Variants in EXOSC7 observed in about 807,000 individuals in gnomAD.
EXOSC7 encodes exosome complex component RRP42.
In EXOSC7, 25 loss-of-function variants were observed where a neutral mutation model predicts 34.3. The ratio of observed to expected loss-of-function variants is 0.73; its 90% CI spans 0.53 to 1.02. The LOEUF is 1.02. Ranked by LOEUF, EXOSC7 falls within the 50% of genes least tolerant of loss-of-function variation. The probability of loss-of-function intolerance (pLI) is 0.00; values close to 1 mark genes in which losing one functional copy is unlikely to be tolerated. For missense variants in EXOSC7, 370 were observed against 368.5 expected (o/e 1.00, Z -0.03); for synonymous variants, 130 against 143.0 (o/e 0.91, Z 0.65).
chr3:44,992,533 A>G (rs572757474), intron 3 of EXOSC7, among the ~76,000 whole-genome samples: 1 of 152,326 alleles, frequency 6.6e-6, no homozygotes, highest in African/African-American at 2.4e-5. Context: ...TATAGCCCTC[A>G]CAGCCCTTTG....
At position 44,976,999 on chromosome 3, in the gene EXOSC7, AACCCGGGAGGCGGAGGTTG is replaced by A. The variant is rs1388280526; in HGVS notation, c.57+666_57+684del. On this transcript the variant is annotated intron_variant, in intron 1 of 7. Transcript: ENST00000265564. ...GAGACTGAGGCAGGAGAATCGCTTG[AACCCGGGAGGCGGAGGTTG>A]CAGTGAGCCGAGTCTCAAAAAAAAA... 3 of 152,242 alleles carry A rather than the reference AACCCGGGAGGCGGAGGTTG, an allele frequency of 2.0e-5. 1 individual carries two copies. The highest frequency in any genetic ancestry group is 4.4e-5 in the Non-Finnish European group (3 of 68,078). 9.4% of individuals were successfully genotyped at this position (152,242 alleles called of 1,614,324 possible).
intron 1 of EXOSC7, among the ~76,000 whole-genome samples, chr3:44,980,772 A>G (rs921935091): frequency 8.5e-5 from 13 of 152,330 alleles, no homozygotes; most frequent in Admixed American, 5.9e-4. Context: ...TAAATAGTAT[A>G]TGGCATATAC....
At position 44,976,306 on chromosome 3, in the gene EXOSC7, AG is replaced by A; in HGVS notation, c.30del (p.Lys11ArgfsTer52). 2 of 1,564,274 alleles carry A rather than the reference AG, an allele frequency of 1.3e-6. No individual in the cohort carries two copies. The highest frequency in any genetic ancestry group is 1.7e-6 in the Non-Finnish European group (2 of 1,162,052). ...GCGTCCGTGACGCTGAGCGAGGCGG[AG>A]AAGGTGTACATCGTGCATGGCGTCC... The part of the protein sequence containing the change: MASVTLSEA[E>X]KVYIVHGVQE... On this transcript the variant is annotated frameshift_variant, in exon 1 of 8. Transcript: ENST00000265564. LOFTEE classifies it high-confidence loss of function.
intron 1 of EXOSC7, among the ~76,000 whole-genome samples, chr3:44,979,189 C>T (rs1431268839): frequency 6.6e-6 from 1 of 152,162 alleles, no homozygotes; most frequent in Admixed American, 6.5e-5. Context: ...GGTCAGGATG[C>T]AGGTGAATGA....
chr3:45,006,068 CTTTTTT>C (rs34869939), intron 6 of EXOSC7, among the ~76,000 whole-genome samples: 541 of 47,156 alleles, frequency 0.011, 2 homozygotes, highest in Middle Eastern at 0.014. Flanking sequence ...TGGGTCTTGG[CTTTTTT>C]TTTTTTTTTT....
intron 1 of EXOSC7, 119 bp downstream of exon 1, chr3:44,976,453 T>G (rs1706030645): frequency 1.1e-6 from 1 of 892,734 alleles, no homozygotes; most frequent in Non-Finnish European, 1.7e-6. Context: ...CCGTTTACCT[T>G]GTGATTAAAC....
At chr3:44,999,672 G>A (rs962730380) in intron 4 of EXOSC7, among the ~76,000 whole-genome samples, 9 of 151,908 alleles carry the variant, frequency 5.9e-5, no homozygotes, top group Non-Finnish European at 1.3e-4. Flanking sequence ...CTGGGCAACA[G>A]AGTGAGAATC....
chr3:44,994,246 A>C lies in EXOSC7; in HGVS notation c.255-2841A>C, dbSNP rs1366241351. Among the ~76,000 whole-genome samples, 5 of 66,672 alleles carry C rather than the reference A, an allele frequency of 7.5e-5. No homozygotes were observed. The East Asian group carries it at 0.018, about 235-fold the overall frequency. 43.7% of individuals were successfully genotyped at this position (66,672 alleles called of 152,430 possible). ...TGGTGTCTAGCTCATGCTAAACATT[A>C]AAAAAAAAAAAAAAAAGATAAGGTC... On this transcript the variant is annotated intron_variant, in intron 3 of 7. Transcript: ENST00000265564.
rs1706894413 is a variant in EXOSC7 at position 45,001,942 on chromosome 3, CTA to C, written c.491+336_491+337del. On this transcript the variant is annotated intron_variant, in intron 5 of 7. Transcript: ENST00000265564. The stretch of plus-strand genomic sequence containing the variant: ...TCCAAATACTATTACTGGGTGAACT[CTA>C]TGGGGGCAAGGATTTTGCCTGTTTT... The C allele has an allele frequency of 2.7e-5, 7 of 262,840 alleles. No homozygotes were observed. In the South Asian group the frequency reaches 3.9e-4, roughly 15 times the overall value. The allele number at this position is 262,840 out of a possible 1,614,324, so 16.3% of individuals were successfully genotyped here.
At chr3:45,001,413 A>G (rs1224331683) in intron 4 of EXOSC7, 125 bp from the exon 5 acceptor site, 3 of 731,320 alleles carry the variant, frequency 4.1e-6, no homozygotes, top group African/African-American at 1.7e-5. Context: ...ACTGCACTCC[A>G]GCCTGAGTGA....
Position 45,011,280 on chromosome 3 carries a change from G to A in EXOSC7, c.817G>A (p.Val273Ile), listed in dbSNP as rs1459604241. The A allele has an allele frequency of 8.7e-6, 14 of 1,613,624 alleles. No homozygotes were observed. Among genetic ancestry groups the A allele is most frequent in the East Asian group, 2.2e-5 (1 of 44,840 alleles). Residue 273 changes from valine to isoleucine, a missense_variant, in exon 8 of 8, where the codon GTT becomes ATT. Transcript: ENST00000265564. The stretch of plus-strand genomic sequence containing the variant: ...GGTACTGCATGCCTCCTTGCAGAGT[G>A]TTGTGCACAAGGAAGAAAGCCTGGG... ...GKVLHASLQS[V>I]VHKEESLGPK...
chr3:44,989,289 C>T, intron 2 of EXOSC7, 48 bp downstream of exon 2: 5 of 1,384,542 alleles, frequency 3.6e-6, no homozygotes, highest in Non-Finnish European at 4.1e-6. Context: ...AATGAGTAGG[C>T]CCTAAGGAAT....
chr3:44,989,603 G>A lies in EXOSC7; in HGVS notation c.213G>A (p.Leu71=). The A allele has an allele frequency of 1.2e-6, 2 of 1,614,176 alleles. No individual in the cohort carries two copies. The highest frequency in any genetic ancestry group is 1.7e-6 in the Non-Finnish European group (2 of 1,180,000). Residue 71 remains leucine, a synonymous_variant, in exon 3 of 8, where the codon CTG becomes CTA. Coordinates refer to ENST00000265564, the MANE Select transcript of EXOSC7 (RefSeq NM_015004.4). ...GVKAEMGTPK[L]EKPNEGYLEF... ...AAGCAGAAATGGGGACGCCGAAGCTGGAGAAACCAAATGAAGGCTACTTGG... is the reference window on the plus strand; with the variant it reads ...AAGCAGAAATGGGGACGCCGAAGCTAGAGAAACCAAATGAAGGCTACTTGG...
At chr3:44,979,588 GTT>G (rs529893438) in intron 1 of EXOSC7, among the ~76,000 whole-genome samples, 1 of 146,008 alleles carries the variant, frequency 6.8e-6, no homozygotes, top group South Asian at 2.2e-4. Flanking sequence ...ATCTCTGCTG[GTT>G]TTTTTTTTCC....
chr3:44,984,142 G>A (rs1313589487), intron 1 of EXOSC7, among the ~76,000 whole-genome samples: 1 of 152,126 alleles, frequency 6.6e-6, no homozygotes, highest in Non-Finnish European at 1.5e-5. Flanking sequence ...CTACAAAGAG[G>A]TGTGACTAAT....
chr3:44,976,467 T>A (rs1052060061), intron 1 of EXOSC7, 133 bp downstream of exon 1: 107 of 778,944 alleles, frequency 1.4e-4, no homozygotes, highest in Non-Finnish European at 3.3e-5. Context: ...ATTAAACGGT[T>A]CTGCTGCCGG....
intron 1 of EXOSC7, among the ~76,000 whole-genome samples, chr3:44,988,541 A>G (rs1179005340): frequency 6.6e-6 from 1 of 152,234 alleles, no homozygotes; most frequent in African/African-American, 2.4e-5. Flanking sequence ...TGTAGTGCAG[A>G]AACAATCATA....
chr3:44,985,763 T>C (rs1207716600), intron 1 of EXOSC7, among the ~76,000 whole-genome samples: 1 of 152,050 alleles, frequency 6.6e-6, no homozygotes, highest in Non-Finnish European at 1.5e-5. Context: ...GCAGCTTGCT[T>C]TTATTCTCTT....
Position 45,007,438 on chromosome 3 carries a change from G to A in EXOSC7, c.634G>A (p.Val212Met). Residue 212 changes from valine (V) to methionine (M), a missense_variant, in exon 7 of 8, where the codon GTG (valine) becomes ATG (methionine). Val to Met is a conservative substitution (Grantham distance 21, BLOSUM62 1). Coordinates refer to ENST00000265564, the MANE Select transcript of EXOSC7 (RefSeq NM_015004.4). The part of the protein sequence containing the change: ...TLCKIGYRHV[V>M]DATLQEEACS... ...TTTGCAGATTGGCTATCGGCATGTG[G>A]TGGATGCTACTCTTCAGGAGGAGGC... 1.2e-6 allele frequency: 2 copies of A among 1,614,202 alleles called. No homozygotes were observed. Among genetic ancestry groups the A allele is most frequent in the Non-Finnish European group, 8.5e-7 (1 of 1,180,032 alleles).
Sources: allele counts gnomAD v4.1 joint callset (sites outside exome capture counted in the v4.1 genomes callset), GRCh38; gene constraint gnomAD v4.1.1; transcripts MANE v1.5; gene names NCBI Gene and HGNC (gene_info 2026-07-23, HGNC 2026-07-21).